The following CCNE1 variants were observed in gnomAD, a reference collection of about 807,000 sequenced individuals.
The protein encoded by CCNE1 is cyclin E1.
In CCNE1, 8 loss-of-function variants were observed where a neutral mutation model predicts 54.1. The observed-to-expected ratio is 0.15, with a 90% CI of 0.09 to 0.27. The LOEUF (loss-of-function observed/expected upper bound fraction) is 0.27. Among genes scored for constraint, CCNE1 ranks in the 10% least tolerant of loss-of-function variants. CCNE1 has a pLI of 1.00. For missense variants in CCNE1, 430 were observed against 514.9 expected (o/e 0.84, Z 1.60); for synonymous variants, 179 against 185.2 (o/e 0.97, Z 0.27).
intron 6 of CCNE1, among the ~76,000 whole-genome samples, chr19:29,820,475 T>C (rs749948921): frequency 5.9e-5 from 9 of 151,888 alleles, no homozygotes; most frequent in Non-Finnish European, 1.3e-4. Flanking sequence ...CGCTTGAGCC[T>C]GGAAGTTGGA....
intron 3 of CCNE1, 82 bp downstream of exon 3, chr19:29,812,858 G>T: frequency 6.3e-7 from 1 of 1,585,248 alleles, no homozygotes; most frequent in Non-Finnish European, 8.6e-7. Flanking sequence ...CGGGGGCGGG[G>T]GTCCCTTGGG....
intron 1 of CCNE1, 54 bp from the exon 2 acceptor site, chr19:29,812,478 G>A (rs1049283810): frequency 7.4e-5 from 88 of 1,188,130 alleles, no homozygotes; most frequent in Non-Finnish European, 9.2e-5. Flanking sequence ...GGGGGAAGGG[G>A]TACTGGGCCC....
rs776946024 is a variant in CCNE1 at position 29,817,159 on chromosome 19, G to A, written c.203G>A (p.Cys68Tyr). 1.2e-6 allele frequency: 2 copies of A among 1,614,076 alleles called. No individual in the cohort carries two copies. Among genetic ancestry groups the A allele is most frequent in the East Asian group, 2.2e-5 (1 of 44,876 alleles). Residue 68 changes from cysteine to tyrosine, a missense_variant, in exon 5 of 12, where the codon TGT becomes TAT. Around this residue, in one of 2 missense-constraint regions of CCNE1, gnomAD observed 127 missense variants for 113.8 expected, o/e 1.12. Coordinates refer to ENST00000262643, the MANE Select transcript of CCNE1 (RefSeq NM_001238.4). Reference sequence around the variant, plus strand: ...CAGCCTTGGGACAATAATGCAGTCTGTGCAGACCCCTGCTCCCTGATCCCC... The same window carrying A: ...CAGCCTTGGGACAATAATGCAGTCTATGCAGACCCCTGCTCCCTGATCCCC... Reference protein sequence around the residue: ...GSQPWDNNAVCADPCSLIPTP... With the variant: ...GSQPWDNNAVYADPCSLIPTP...
intron 7 of CCNE1, 76 bp from the exon 8 acceptor site, chr19:29,821,646 T>C: frequency 1.3e-6 from 1 of 787,428 alleles, no homozygotes; most frequent in Non-Finnish European, 2.2e-6. Flanking sequence ...TACTGAGAAG[T>C]CATTTTGGAT....
intron 7 of CCNE1, 143 bp from the exon 8 acceptor site, chr19:29,821,579 T>G: frequency 1.6e-5 from 5 of 313,788 alleles, no homozygotes; most frequent in East Asian, 1.0e-4. Context: ...TTTACAACCA[T>G]TGGTGTGGCT....
Position 29,817,123 on chromosome 19 carries a change from T to C in CCNE1, c.181-14T>C, listed in dbSNP as rs1483536502. On this transcript the variant is annotated splice_polypyrimidine_tract_variant and intron_variant, in intron 4 of 11. Transcript: ENST00000262643. ...CATCTTATCTCACCTCTCCTGTGTATTTTTCATTTACAGCCTTGGGACAAT... is the reference window on the plus strand; with the variant it reads ...CATCTTATCTCACCTCTCCTGTGTACTTTTCATTTACAGCCTTGGGACAAT... 1.9e-6 allele frequency: 3 copies of C among 1,613,114 alleles called. No individual in the cohort carries two copies. The Admixed American group carries it at 5.0e-5, about 27-fold the overall frequency.
chr19:29,815,565 C>G (rs141845567), intron 4 of CCNE1, among the ~76,000 whole-genome samples: 4 of 149,304 alleles, frequency 2.7e-5, no homozygotes, highest in Non-Finnish European at 5.9e-5. Flanking sequence ...TTTCCACTTT[C>G]ATTTATAGTG....
chr19:29,817,487 A>C lies in CCNE1; in HGVS notation c.408A>C (p.Gln136His), dbSNP rs2145722416. ...TYLRDQHFLEQHPLLQPKMRA... is the reference protein window; with the variant it reads ...TYLRDQHFLEHHPLLQPKMRA... ...TAAGGGATCAGCACTTTCTTGAGCA[A>C]CACCCTCTTCTGCAGCCAAAAATGC... Residue 136 changes from glutamine to histidine, a missense_variant, in exon 6 of 12, where the codon CAA becomes CAC. Physicochemically the swap from Gln to His is conservative, Grantham distance 24. Around this residue, in one of 2 missense-constraint regions of CCNE1, gnomAD observed 303 missense variants for 401.1 expected, o/e 0.76. Coordinates refer to ENST00000262643, the MANE Select transcript of CCNE1 (RefSeq NM_001238.4). 1 of 1,614,216 alleles carries C rather than the reference A, an allele frequency of 6.2e-7. No individual in the cohort carries two copies. The highest frequency in any genetic ancestry group is 8.5e-7 in the Non-Finnish European group (1 of 1,180,036).
chr19:29,821,547 CTTTT>C (rs35368977), intron 7 of CCNE1, among the ~76,000 whole-genome samples, 171 bp from the exon 8 acceptor site: 31 of 110,440 alleles, frequency 2.8e-4, no homozygotes, highest in South Asian at 6.3e-4. Flanking sequence ...GAGTTGTGTT[CTTTT>C]TTTTTTTTTT....
intron 4 of CCNE1, among the ~76,000 whole-genome samples, chr19:29,816,012 T>G (rs912700571): frequency 9.2e-5 from 14 of 151,874 alleles, no homozygotes; most frequent in Admixed American, 4.6e-4. Flanking sequence ...AAAAATTAGC[T>G]GGGTGTGCTC....
At chr19:29,823,327 T>C (rs1195876953) in intron 11 of CCNE1, among the ~76,000 whole-genome samples, 2 of 152,172 alleles carry the variant, frequency 1.3e-5, no homozygotes, top group East Asian at 3.9e-4. Context: ...GCAGATCGCC[T>C]GATATCAGGA....
chr19:29,822,836 CGA>C (rs909659987), intron 11 of CCNE1, among the ~76,000 whole-genome samples: 52 of 151,750 alleles, frequency 3.4e-4, no homozygotes, highest in Middle Eastern at 3.4e-3. Context: ...CCCAGCTACT[CGA>C]GAGGCTAAGG....
intron 11 of CCNE1, among the ~76,000 whole-genome samples, chr19:29,822,813 G>A (rs953872346): frequency 2.0e-5 from 3 of 151,994 alleles, no homozygotes; most frequent in African/African-American, 7.3e-5. Flanking sequence ...CTATGGTGGT[G>A]GGCACCTGTA....
intron 4 of CCNE1, among the ~76,000 whole-genome samples, chr19:29,815,232 C>G (rs769804101): frequency 5.3e-5 from 8 of 152,156 alleles, no homozygotes; most frequent in Non-Finnish European, 7.4e-5. Context: ...AGGGTGGCAC[C>G]CAGCATTATG....
At chr19:29,813,549 TCTC>T (rs1475406193) in intron 4 of CCNE1, among the ~76,000 whole-genome samples, 6 of 152,138 alleles carry the variant, frequency 3.9e-5, no homozygotes, top group African/African-American at 1.4e-4. Context: ...TTCAAATTCT[TCTC>T]CTCTTTCTGG....
chr19:29,813,787 T>C (rs533004501), intron 4 of CCNE1, among the ~76,000 whole-genome samples: 1 of 152,344 alleles, frequency 6.6e-6, no homozygotes, highest in East Asian at 1.9e-4. Flanking sequence ...AGAAAAAGCT[T>C]GTACTATCTC....
chr19:29,812,061 G>C lies in CCNE1; in HGVS notation c.-116G>C, dbSNP rs1279432664. 3 of 148,238 alleles carry C rather than the reference G, an allele frequency of 2.0e-5. No homozygotes were observed. The highest frequency in any genetic ancestry group is 7.3e-5 in the African/African-American group (3 of 40,872). The allele number at this position is 148,238 out of a possible 1,614,324, so 9.2% of individuals were successfully genotyped here. On this transcript the variant is annotated 5_prime_UTR_variant, in exon 1 of 12. Coordinates refer to ENST00000262643, the MANE Select transcript of CCNE1 (RefSeq NM_001238.4). ...GGATCCCGCCACCGCCGCGCGCTCG[G>C]CCCGCCGACTCCCGGCGCCGCCGCC... is the stretch of plus-strand genomic sequence containing the variant.
At position 29,823,790 on chromosome 19, in the gene CCNE1, T is replaced by C. The variant is rs1437595879; in HGVS notation, c.*13T>C. On this transcript the variant is annotated 3_prime_UTR_variant, in exon 12 of 12. Transcript: ENST00000262643. ...GGAAATGGCGTGACCACCCCATCCT[T>C]CTCCACCAAAGACAGTTGCGCGCCT... 5 of 1,603,756 alleles carry C rather than the reference T, an allele frequency of 3.1e-6. No individual in the cohort carries two copies. Among genetic ancestry groups the C allele is most frequent in the African/African-American group, 2.7e-5 (2 of 74,488 alleles).
At chr19:29,814,666 C>G (rs1468258135) in intron 4 of CCNE1, among the ~76,000 whole-genome samples, 1 of 152,170 alleles carries the variant, frequency 6.6e-6, no homozygotes, top group Admixed American at 6.5e-5. Flanking sequence ...TCCCTGCTCA[C>G]ATACAGAATT....
Sources: gnomAD v4.1 joint callset for allele counts (sites outside exome capture counted in the v4.1 genomes callset) on GRCh38, gnomAD v4.1.1 for gene constraint, gnomAD v4.1.1 regional missense constraint, MANE v1.5 for transcripts, NCBI Gene and HGNC (gene_info 2026-07-23, HGNC 2026-07-21) for gene names.